Variants in NUP35 observed in about 807,000 individuals in gnomAD.
NUP35 encodes nucleoporin 35, also known as nucleoporin NUP35.
A neutral mutation model predicts 41.5 loss-of-function variants in NUP35; 25 were observed. The ratio of observed to expected loss-of-function variants is 0.60; its 90% confidence interval spans 0.44 to 0.84. The LOEUF is 0.84. Among genes scored for constraint, NUP35 ranks in the 40% least tolerant of loss-of-function variants. The pLI is 0.00. For synonymous variants in NUP35, 149 were observed against 130.7 expected, an observed-to-expected ratio of 1.14 and a Z score of -0.96; for missense variants, 396 against 396.6, an observed-to-expected ratio of 1.00 and a Z score of 0.01.
At chr2:183,119,016 C>T (rs1240277039) in intron 1 of NUP35, 3 of 152,188 alleles carry the variant, frequency 2.0e-5, no homozygotes, top group African/African-American at 7.2e-5. Context: ...GCTGAATGTC[C>T]TTAGGAGGTC....
At chr2:183,125,894 A>T (rs768744892) in intron 1 of NUP35, among the ~76,000 whole-genome samples, 2 of 152,236 alleles carry the variant, frequency 1.3e-5, no homozygotes, top group Non-Finnish European at 2.9e-5. Flanking sequence ...AATGGAATTG[A>T]GGACATGCAG....
chr2:183,149,795 C>T (rs1685401093), intron 4 of NUP35, among the ~76,000 whole-genome samples: 1 of 152,140 alleles, frequency 6.6e-6, no homozygotes, highest in Non-Finnish European at 1.5e-5. Flanking sequence ...TTAATATTAT[C>T]CTGTTTCCTA....
At chr2:183,145,131 G>A (rs1685236158) in intron 4 of NUP35, among the ~76,000 whole-genome samples, 1 of 152,174 alleles carries the variant, frequency 6.6e-6, no homozygotes, top group East Asian at 1.9e-4. Flanking sequence ...TTAGTTAAGA[G>A]TATCTTTTGT....
chr2:183,156,190 T>C (rs1044900478), intron 5 of NUP35, among the ~76,000 whole-genome samples: 1 of 152,216 alleles, frequency 6.6e-6, no homozygotes, highest in Non-Finnish European at 1.5e-5. Context: ...AGCCATTCTT[T>C]CTTCTTTTCA....
chr2:183,119,515 CTT>C (rs566669358), upstream of NUP35, among the ~76,000 whole-genome samples: 187 of 152,178 alleles, frequency 1.2e-3, no homozygotes, highest in Middle Eastern at 3.4e-3. Flanking sequence ...AAACACAAGA[CTT>C]TGCAAATTGG....
chr2:183,124,316 C>T, upstream of NUP35: 1 of 1,519,652 alleles, frequency 6.6e-7, no homozygotes, highest in Non-Finnish European at 8.9e-7. Context: ...AAAATGGCTC[C>T]GGCGCCTACA....
At chr2:183,120,069 T>C (rs1425720965), upstream of NUP35, 2 of 152,182 alleles carry the variant, frequency 1.3e-5, no homozygotes, top group African/African-American at 4.8e-5. Context: ...ACCTGAGTCT[T>C]GTGGAGGCTG....
At chr2:183,134,914 G>A (rs769031323) in intron 4 of NUP35, among the ~76,000 whole-genome samples, 2 of 151,756 alleles carry the variant, frequency 1.3e-5, no homozygotes, top group Non-Finnish European at 2.9e-5. Context: ...TTGAGCCACC[G>A]CGCCCAGCTG....
At position 183,141,590 on chromosome 2, in the gene NUP35, T is replaced by C. The variant is rs551253330; in HGVS notation, c.397+7967T>C. On this transcript the variant is annotated intron_variant, in intron 4 of 8. Transcript: ENST00000295119. ...TAAATACTGCTCAGTGCTGAACCAA[T>C]TAATATGATTATTCTTTCTGTAAAA... is the stretch of plus-strand genomic sequence containing the variant. Among the ~76,000 whole-genome samples, 225 of 152,348 alleles carry C rather than the reference T, an allele frequency of 1.5e-3. 2 individuals are homozygous for C. The highest frequency in any genetic ancestry group is 2.8e-3 in the Non-Finnish European group (190 of 68,020).
At chr2:183,152,391 C>T (rs982298017) in intron 5 of NUP35, among the ~76,000 whole-genome samples, 3 of 152,116 alleles carry the variant, frequency 2.0e-5, no homozygotes, top group Non-Finnish European at 4.4e-5. Context: ...ATCTCCTGAG[C>T]AGTAGGCACT....
chr2:183,147,439 G>A (rs1229955246), intron 4 of NUP35, among the ~76,000 whole-genome samples: 1 of 152,074 alleles, frequency 6.6e-6, no homozygotes, highest in East Asian at 1.9e-4. Flanking sequence ...TATTGAGTAA[G>A]GCATCCTTTA....
chr2:183,154,992 C>G (rs545644026), intron 5 of NUP35, among the ~76,000 whole-genome samples: 1 of 151,770 alleles, frequency 6.6e-6, no homozygotes, highest in South Asian at 2.1e-4. Flanking sequence ...CCCTGATAAA[C>G]GCGTCAGATC....
At chr2:183,140,323 GTGTT>G (rs1430145811) in intron 4 of NUP35, among the ~76,000 whole-genome samples, 2 of 151,996 alleles carry the variant, frequency 1.3e-5, no homozygotes, top group Non-Finnish European at 2.9e-5. Context: ...TGTCCAGTGA[GTGTT>G]TCTACATTAT....
At chr2:183,132,193 T>C (rs888256538) in intron 3 of NUP35, among the ~76,000 whole-genome samples, 2 of 152,030 alleles carry the variant, frequency 1.3e-5, no homozygotes, top group African/African-American at 4.8e-5. Context: ...TGGCTAACTT[T>C]TGTATTTTTT....
At chr2:183,139,186 C>T (rs899894085) in intron 4 of NUP35, among the ~76,000 whole-genome samples, 1 of 149,456 alleles carries the variant, frequency 6.7e-6, no homozygotes, top group African/African-American at 2.5e-5. Flanking sequence ...CTTTACTTAA[C>T]ATTATGGTTT....
In NUP35 at chr2:183,135,651, AG is replaced by A. The variant is rs1193330877; in HGVS notation, c.397+2031del. Among the ~76,000 whole-genome samples the A allele has an allele frequency of 3.3e-5, 5 of 152,326 alleles. No individual in the cohort carries two copies. In the East Asian group the frequency reaches 9.6e-4, roughly 29 times the overall value. ...TGATAGAAAAAGTAGGCAGGCAAGA[AG>A]GGAAATAATACAATAACAGGGAAAG... is the stretch of plus-strand genomic sequence containing the variant. On this transcript the variant is annotated intron_variant, in intron 4 of 8. Coordinates refer to ENST00000295119, the MANE Select transcript of NUP35 (RefSeq NM_138285.5).
At chr2:183,134,312 G>A (rs1052062225) in intron 4 of NUP35, among the ~76,000 whole-genome samples, 2 of 151,922 alleles carry the variant, frequency 1.3e-5, no homozygotes, top group African/African-American at 4.8e-5. Context: ...TTTATTTGCA[G>A]AATTTACATT....
chr2:183,148,744 C>T (rs1685363204), intron 4 of NUP35, among the ~76,000 whole-genome samples: 1 of 152,058 alleles, frequency 6.6e-6, no homozygotes, highest in Admixed American at 6.6e-5. Flanking sequence ...CTGTAACCTC[C>T]ACCTCCCAGG....
Position 183,130,398 on chromosome 2 carries a change from T to G in NUP35, c.212-20T>G. The G allele has an allele frequency of 7.3e-7, 1 of 1,378,822 alleles. No homozygotes were observed. The highest frequency in any genetic ancestry group is 9.4e-7 in the Non-Finnish European group (1 of 1,068,268). The allele number at this position is 1,378,822 out of a possible 1,614,324, so 85.4% of individuals were successfully genotyped here. ...AAAAAGAAGAATCCCTTTTTTTTTTTTTTTTTTTGTACACTGTAGGTGGGT... is the reference window on the plus strand; with the variant it reads ...AAAAAGAAGAATCCCTTTTTTTTTTGTTTTTTTTGTACACTGTAGGTGGGT... On this transcript the variant is annotated intron_variant, in intron 2 of 8. Transcript: ENST00000295119.
Sources: allele counts gnomAD v4.1 joint callset (sites outside exome capture counted in the v4.1 genomes callset), GRCh38; gene constraint gnomAD v4.1.1; transcripts MANE v1.5; gene names NCBI Gene and HGNC (gene_info 2026-07-23, HGNC 2026-07-21).